The following MAP3K13 variants were observed in gnomAD, a reference collection of about 807,000 sequenced individuals.
MAP3K13 encodes the protein leucine zipper-bearing kinase.
In MAP3K13, 52 loss-of-function variants were observed where a neutral mutation model predicts 104.0. That is an observed-to-expected ratio of 0.50 (90% CI 0.40 to 0.63). MAP3K13 has a LOEUF of 0.63. Ranked by LOEUF, MAP3K13 falls within the 20% of genes least tolerant of loss-of-function variation. MAP3K13 has a pLI of 0.00. For missense variants in MAP3K13, 914 were observed against 1,218.5 expected (o/e 0.75, Z 3.72); for synonymous variants, 394 against 442.2 (o/e 0.89, Z 1.37).
intron 1 of MAP3K13, among the ~76,000 whole-genome samples, chr3:185,365,350 GAATT>G (rs1370012813): frequency 6.6e-6 from 1 of 152,156 alleles, no homozygotes; most frequent in Non-Finnish European, 1.5e-5. Flanking sequence ...CCAGAAGTAG[GAATT>G]AATTTATTTA....
chr3:185,362,179 C>T (rs948634880), upstream of MAP3K13, among the ~76,000 whole-genome samples: 9 of 152,124 alleles, frequency 5.9e-5, no homozygotes, highest in Admixed American at 2.0e-4. Context: ...AGGCCATTTC[C>T]CAAGTTCAGA....
rs1718685943 is a variant in MAP3K13, at chr3:185,485,730, A to G, written c.*3274A>G. Reference sequence around the variant, plus strand: ...ATCATAGATATGTAAGTATAGAAAAAAAAACATAGTATATATAGGGTTTGG... The same window carrying G: ...ATCATAGATATGTAAGTATAGAAAAGAAAACATAGTATATATAGGGTTTGG... On this transcript the variant is annotated 3_prime_UTR_variant, in exon 14 of 14. Coordinates refer to ENST00000265026, the MANE Select transcript of MAP3K13 (RefSeq NM_004721.5). The G allele has an allele frequency of 6.6e-6, 1 of 152,194 alleles. No homozygotes were observed. Among genetic ancestry groups the G allele is most frequent in the Non-Finnish European group, 1.5e-5 (1 of 68,034 alleles). The allele number at this position is 152,194 out of a possible 1,614,324, so 9.4% of individuals were successfully genotyped here.
intron 1 of MAP3K13, among the ~76,000 whole-genome samples, chr3:185,283,278 A>G (rs1577390456): frequency 6.6e-6 from 1 of 152,094 alleles, no homozygotes; most frequent in East Asian, 1.9e-4. Flanking sequence ...GGAATCAGAC[A>G]TGGCTGGGGG....
At chr3:185,362,202 A>G (rs1469244908), upstream of MAP3K13, among the ~76,000 whole-genome samples, 3 of 152,230 alleles carry the variant, frequency 2.0e-5, no homozygotes, top group African/African-American at 7.2e-5. Context: ...AATCATGATC[A>G]GTATTTGTCA....
rs139097616 is a variant in MAP3K13 at position 185,394,675 on chromosome 3, C to T, written c.-86+31307C>T. 4.8e-3 allele frequency among the ~76,000 whole-genome samples: 724 copies of T among 152,278 alleles called. 7 individuals carry two copies. Among genetic ancestry groups the T allele is most frequent in the African/African-American group, 0.016 (672 of 41,562 alleles). ...TCCAACATCTCATGGAATTTTCAGC[C>T]TTCCATTTATTAGGAAAGGTTTTTA... On this transcript the variant is annotated intron_variant, in intron 1 of 13. Transcript: ENST00000265026.
upstream of MAP3K13, among the ~76,000 whole-genome samples, chr3:185,361,862 T>C (rs1412799465): frequency 6.6e-6 from 1 of 152,252 alleles, no homozygotes; most frequent in Non-Finnish European, 1.5e-5. Context: ...TTGTTAACTA[T>C]GTTGTTTGCC....
At chr3:185,314,665 C>T (rs73193035) in intron 2 of MAP3K13, among the ~76,000 whole-genome samples, 10,016 of 152,042 alleles carry the variant, frequency 0.066, 458 homozygotes, top group Non-Finnish European at 0.09. Flanking sequence ...GTCACCCAAG[C>T]TGGAGTACAG....
chr3:185,477,474 AAC>A, intron 12 of MAP3K13, 78 bp downstream of exon 12: 1 of 1,041,110 alleles, frequency 9.6e-7, no homozygotes. Context: ...CCTGCTCTTC[AAC>A]CACAGGTGAT....
At chr3:185,442,966 G>A (rs13058858) in intron 3 of MAP3K13, among the ~76,000 whole-genome samples, 1,665 of 152,214 alleles carry the variant, frequency 0.011, 18 homozygotes, top group South Asian at 0.024. Context: ...AGTCTCCTGA[G>A]TAGCTGGGAC....
intron 2 of MAP3K13, among the ~76,000 whole-genome samples, chr3:185,436,385 C>A (rs1036434931): frequency 1.3e-5 from 2 of 152,150 alleles, no homozygotes; most frequent in African/African-American, 4.8e-5. Context: ...TGACTAATGG[C>A]TCTCTCAATT....
chr3:185,361,400 T>G (rs1035374430), upstream of MAP3K13, among the ~76,000 whole-genome samples: 16 of 151,452 alleles, frequency 1.1e-4, no homozygotes, highest in Non-Finnish European at 1.0e-4. Flanking sequence ...TTTTTGTTTT[T>G]TTTTTTTCTT....
chr3:185,467,425 C>A (rs901157630), intron 10 of MAP3K13, among the ~76,000 whole-genome samples: 1 of 152,160 alleles, frequency 6.6e-6, no homozygotes, highest in Non-Finnish European at 1.5e-5. Flanking sequence ...ACATTTAGTT[C>A]GTTCTTTTTA....
chr3:185,383,695 C>G (rs1711523884), intron 1 of MAP3K13, among the ~76,000 whole-genome samples: 1 of 152,126 alleles, frequency 6.6e-6, no homozygotes, highest in Non-Finnish European at 1.5e-5. Flanking sequence ...TCACCAGATG[C>G]CCAGCCTTCT....
chr3:185,460,395 T>C (rs1329351129), intron 7 of MAP3K13, among the ~76,000 whole-genome samples: 1 of 152,222 alleles, frequency 6.6e-6, no homozygotes, highest in Non-Finnish European at 1.5e-5. Context: ...ACGCTGGTTC[T>C]GTTCCAGGGT....
rs543433957 is a variant in MAP3K13 at position 185,472,903 on chromosome 3, T to A, written c.1644-72T>A. The A allele has an allele frequency of 1.1e-5, 15 of 1,383,270 alleles. No individual in the cohort carries two copies. The South Asian group carries it at 1.2e-4, about 11-fold the overall frequency. 85.7% of individuals were successfully genotyped at this position (1,383,270 alleles called of 1,614,324 possible). On this transcript the variant is annotated intron_variant, in intron 10 of 13. Coordinates refer to ENST00000265026, the MANE Select transcript of MAP3K13 (RefSeq NM_004721.5). The stretch of plus-strand genomic sequence containing the variant: ...ATTCAAAGGCTCTGTGTATTTTAAG[T>A]CTTAGGATACATTTCCCCAAACTTG...
At chr3:185,455,648 T>C (rs1275976378) in intron 7 of MAP3K13, among the ~76,000 whole-genome samples, 4 of 30,328 alleles carry the variant, frequency 1.3e-4, no homozygotes, top group Non-Finnish European at 1.9e-4. Context: ...ATATATGAGA[T>C]ATATATATGA....
intron 2 of MAP3K13, among the ~76,000 whole-genome samples, chr3:185,319,170 G>A (rs962518564): frequency 2.0e-5 from 3 of 151,808 alleles, no homozygotes; most frequent in Non-Finnish European, 4.4e-5. Context: ...CCATGTCAAC[G>A]CTTATAGCAT....
rs535346791 is a variant in MAP3K13, at chr3:185,470,149, C to T, written c.1644-2826C>T. ...ATTTATTGCATTTCTCATAATAATT[C>T]GAGAGGATTCTGTTGTTAAAAACAA... On this transcript the variant is annotated intron_variant, in intron 10 of 13. Transcript: ENST00000265026. 8.5e-5 allele frequency among the ~76,000 whole-genome samples: 13 copies of T among 152,218 alleles called. No homozygotes were observed. The Middle Eastern group carries it at 0.014, about 159-fold the overall frequency.
At chr3:185,477,253 G>C (rs751554730) in intron 11 of MAP3K13, 73 bp from the exon 12 acceptor site, 5 of 933,768 alleles carry the variant, frequency 5.4e-6, no homozygotes, top group African/African-American at 1.6e-5. Flanking sequence ...ATTTTTTACA[G>C]TTAGTGGGGA....
Sources: gnomAD v4.1 joint callset for allele counts (sites outside exome capture counted in the v4.1 genomes callset) on GRCh38, gnomAD v4.1.1 for gene constraint, MANE v1.5 for transcripts, NCBI Gene and HGNC (gene_info 2026-07-23, HGNC 2026-07-21) for gene names.